The following ORC3 variants were observed in gnomAD, a reference collection of about 807,000 sequenced individuals.
The protein encoded by ORC3 is homolog of latheo, Drosophila.
Under a neutral mutation model 100.7 loss-of-function variants are expected in ORC3, and 78 were observed. The observed-to-expected ratio is 0.77, with a 90% CI of 0.65 to 0.94. The LOEUF (loss-of-function observed/expected upper bound fraction) is 0.94, where lower values mean the gene tolerates loss of function less well. ORC3 is among the 40% of genes least tolerant of loss of function. The pLI is 0.00. For synonymous variants in ORC3, 295 were observed against 289.3 expected (o/e 1.02, Z -0.20); for missense variants, 789 against 823.9 (o/e 0.96, Z 0.52).
intron 2 of ORC3, among the ~76,000 whole-genome samples, chr6:87,599,743 A>T (rs964040469): frequency 6.7e-6 from 1 of 149,152 alleles, no homozygotes; most frequent in Non-Finnish European, 1.5e-5. Context: ...TGGGAGGCCA[A>T]GGTGGGCAGA....
chr6:87,627,297 C>CT (rs71554739), intron 11 of ORC3, among the ~76,000 whole-genome samples: 1,313 of 113,364 alleles, frequency 0.012, 20 homozygotes, highest in African/African-American at 0.026. Flanking sequence ...CCGCGCCCAG[C>CT]TTTTTTTTTT....
chr6:87,667,852 C>T (rs552385947), downstream of ORC3, among the ~76,000 whole-genome samples: 42 of 152,226 alleles, frequency 2.8e-4, no homozygotes, highest in African/African-American at 1.0e-3. Flanking sequence ...TTGCTCGAAC[C>T]CGGGAGGCGG....
At chr6:87,599,528 C>T (rs964030450) in intron 2 of ORC3, among the ~76,000 whole-genome samples, 4 of 151,838 alleles carry the variant, frequency 2.6e-5, no homozygotes, top group Non-Finnish European at 4.4e-5. Flanking sequence ...CCACCACGCC[C>T]GGCTAATTTT....
At chr6:87,674,655 T>TA in the ORC3 span, among the ~76,000 whole-genome samples, 19 of 148,984 alleles carry the variant, frequency 1.3e-4, no homozygotes, top group Admixed American at 4.0e-4. Flanking sequence ...TTTTTTTTTT[T>TA]AGTAGAGATG....
At chr6:87,611,465 T>C (rs558637651) in intron 7 of ORC3, among the ~76,000 whole-genome samples, 41 of 152,110 alleles carry the variant, frequency 2.7e-4, no homozygotes, top group Non-Finnish European at 4.9e-4. Flanking sequence ...TGGAATGGTA[T>C]CTAACATCTC....
At chr6:87,610,786 C>T in intron 7 of ORC3, among the ~76,000 whole-genome samples, 1 of 147,970 alleles carries the variant, frequency 6.8e-6, no homozygotes, top group East Asian at 1.9e-4. Context: ...ATCTCCTGAC[C>T]TCATGATCCA....
At chr6:87,592,876 G>A (rs775328459) in intron 1 of ORC3, among the ~76,000 whole-genome samples, 13 of 152,112 alleles carry the variant, frequency 8.5e-5, no homozygotes, top group Admixed American at 2.6e-4. Flanking sequence ...GATGGATCAC[G>A]AGATCAGGAG....
In ORC3 at chr6:87,622,019, A is replaced by C. The variant is rs1352038041; in HGVS notation, c.1185+6A>C. On this transcript the variant is annotated splice_donor_region_variant and intron_variant, in intron 11 of 19. Coordinates refer to ENST00000392844, the MANE Select transcript of ORC3 (RefSeq NM_012381.4). The stretch of plus-strand genomic sequence containing the variant: ...CCAATGAGAGATATTTGAAGGTAGG[A>C]ATGTGAATGTGTTTCAGTTTCATTC... 6.3e-7 allele frequency: 1 copy of C among 1,577,936 alleles called. No homozygotes were observed. The highest frequency in any genetic ancestry group is 8.7e-7 in the Non-Finnish European group (1 of 1,150,186).
At chr6:87,666,076 T>A (rs1770572290) in intron 19 of ORC3, among the ~76,000 whole-genome samples, 1 of 152,230 alleles carries the variant, frequency 6.6e-6, no homozygotes, top group African/African-American at 2.4e-5. Flanking sequence ...ATTTTAAAAT[T>A]TACCAAAAAT....
At chr6:87,595,169 C>A (rs887580549) in intron 2 of ORC3, 1 of 152,216 alleles carries the variant, frequency 6.6e-6, no homozygotes, top group Non-Finnish European at 1.5e-5. Context: ...GGATCTCTTA[C>A]AGTAATTCTA....
chr6:87,625,015 G>C (rs556635674), intron 11 of ORC3, among the ~76,000 whole-genome samples: 1 of 152,272 alleles, frequency 6.6e-6, no homozygotes, highest in South Asian at 2.1e-4. Flanking sequence ...CCCTGCAAAG[G>C]ACATGAACTC....
At chr6:87,650,126 G>A (rs981465399) in intron 13 of ORC3, among the ~76,000 whole-genome samples, 21 of 145,992 alleles carry the variant, frequency 1.4e-4, no homozygotes, top group Admixed American at 8.4e-4. Context: ...GCATGATCAC[G>A]GCTCACTGCA....
Position 87,663,073 on chromosome 6 carries a change from C to G in ORC3, c.1762C>G (p.Arg588Gly). 1 of 1,611,970 alleles carries G rather than the reference C, an allele frequency of 6.2e-7. No individual in the cohort carries two copies. The highest frequency in any genetic ancestry group is 8.5e-7 in the Non-Finnish European group (1 of 1,178,210). ...GTACTTCAGTGCTGCCCATGCCCTTCGTGAGCATTTAAATGCTGCTCCGCG... is the reference window on the plus strand; with the variant it reads ...GTACTTCAGTGCTGCCCATGCCCTTGGTGAGCATTTAAATGCTGCTCCGCG... ...VVYFSAAHAL[R>G]EHLNAAPRIA... The change falls in exon 17 of 20, where the codon CGT becomes GGT. Residue 588 changes from arginine (R) to glycine (G), a missense_variant. Arg to Gly is a moderately radical substitution (Grantham distance 125). This residue lies in a region of ORC3 where 366 missense variants were observed against 394.2 expected (regional missense o/e 0.93). Coordinates refer to ENST00000392844, the MANE Select transcript of ORC3 (RefSeq NM_012381.4).
At chr6:87,594,488 C>A (rs1777284343) in intron 2 of ORC3, 81 bp downstream of exon 2, 1 of 1,423,896 alleles carries the variant, frequency 7.0e-7, no homozygotes, top group South Asian at 1.6e-5. Context: ...TTTAGTAATT[C>A]TCTTGTCTAA....
intron 9 of ORC3, among the ~76,000 whole-genome samples, chr6:87,620,527 A>T (rs2128263660): frequency 6.6e-6 from 1 of 152,286 alleles, no homozygotes; most frequent in Non-Finnish European, 1.5e-5. Flanking sequence ...CCAAACAAAT[A>T]CCTTAAGATG....
At chr6:87,594,066 C>T (rs1047442002) in intron 1 of ORC3, among the ~76,000 whole-genome samples, 4 of 152,190 alleles carry the variant, frequency 2.6e-5, no homozygotes, top group African/African-American at 9.7e-5. Flanking sequence ...ATTTAATCAG[C>T]TTTTATTTTC....
Position 87,621,993 on chromosome 6 carries a change from A to G in ORC3, c.1165A>G (p.Thr389Ala). 1.2e-6 allele frequency: 2 copies of G among 1,608,686 alleles called. No individual in the cohort carries two copies. The highest frequency in any genetic ancestry group is 8.5e-7 in the Non-Finnish European group (1 of 1,175,994). The change falls in exon 11 of 20, where the codon ACC (threonine) becomes GCC (alanine). Residue 389 changes from threonine to alanine, a missense_variant. Coordinates refer to ENST00000392844, the MANE Select transcript of ORC3 (RefSeq NM_012381.4). ...TTCAGAAAAGCAAGTTGCGCTCTTG[A>G]CCAATGAGAGATATTTGAAGGTAGG... ...QASEKQVALLTNERYLKEETQ... is the reference protein window; with the variant it reads ...QASEKQVALLANERYLKEETQ...
In ORC3 at chr6:87,609,154, C is replaced by T. The variant is rs1204562644; in HGVS notation, c.638C>T (p.Pro213Leu). 6.2e-7 allele frequency: 1 copy of T among 1,610,234 alleles called. No individual in the cohort carries two copies. Among genetic ancestry groups the T allele is most frequent in the Non-Finnish European group, 8.5e-7 (1 of 1,178,838 alleles). ...ACTACTTCTAGCCAATGGCAGTCTC[C>T]TCCTGTTGTCGTTATCTTGAAGGAT... ...KRTTSSQWQS[P>L]PVVVILKDME... Residue 213 changes from proline (P) to leucine (L), a missense_variant, in exon 7 of 20, where the codon CCT becomes CTT. By Grantham distance (98) the Pro-to-Leu change is moderately conservative (BLOSUM62 -3). Coordinates refer to ENST00000392844, the MANE Select transcript of ORC3 (RefSeq NM_012381.4).
intron 16 of ORC3, among the ~76,000 whole-genome samples, chr6:87,658,572 T>C (rs1235932891): frequency 6.6e-6 from 1 of 152,200 alleles, no homozygotes; most frequent in Non-Finnish European, 1.5e-5. Flanking sequence ...TTAAATTTGA[T>C]CTACTTCATT....
Sources: allele counts gnomAD v4.1 joint callset (sites outside exome capture counted in the v4.1 genomes callset), GRCh38; gene constraint gnomAD v4.1.1; regional missense constraint gnomAD v4.1.1; transcripts MANE v1.5; gene names NCBI Gene and HGNC (gene_info 2026-07-23, HGNC 2026-07-21).